The following HUWE1 variants were observed in gnomAD, a reference collection of about 807,000 sequenced individuals.
HUWE1 encodes the protein E3 ubiquitin-protein ligase HUWE1.
Under a neutral mutation model 299.4 loss-of-function variants are expected in HUWE1, and 18 were observed. The ratio of observed to expected loss-of-function variants is 0.06; its 90% CI spans 0.04 to 0.09. The LOEUF (loss-of-function observed/expected upper bound fraction) is 0.09, where lower values mean the gene tolerates loss of function less well. Ranked by LOEUF, HUWE1 falls within the 10% of genes least tolerant of loss-of-function variation. The probability of loss-of-function intolerance (pLI) is 1.00; values close to 1 mark genes in which losing one functional copy is unlikely to be tolerated. For synonymous variants in HUWE1, 1,317 were observed against 1,286.1 expected, an observed-to-expected ratio of 1.02 and a Z score of -0.51; for missense variants, 1,832 against 3,462.3, an observed-to-expected ratio of 0.53 and a Z score of 11.82.
chrX:53,566,127 G>GTA (rs1207044402), intron 49 of HUWE1, among the ~76,000 whole-genome samples: 3 of 39,201 alleles, frequency 7.7e-5, no homozygotes, highest in African/African-American at 2.9e-4. Context: ...ATGTGTGTGT[G>GTA]TGTGTGTATA....
intron 7 of HUWE1, among the ~76,000 whole-genome samples, chrX:53,639,957 A>G (rs1557029446): frequency 8.9e-6 from 1 of 112,851 alleles, no homozygotes; most frequent in Non-Finnish European, 1.9e-5. Context: ...AGTAGGTTTC[A>G]CATCCAAATC....
In HUWE1 at chrX:53,625,826, ACCAGGACCGGGGCCGGGG is replaced by A. The variant is rs1221217716; in HGVS notation, c.1490-586_1490-569del. On this transcript the variant is annotated intron_variant, in intron 17 of 83. Coordinates refer to ENST00000262854, the MANE Select transcript of HUWE1 (RefSeq NM_031407.7). ...GGCCAGGGCCGGGGCCAGGGCCGGGACCAGGACCGGGGCCGGGGCCGGGGCCAGGGCCGGGGCCGGGGC... is the reference window on the plus strand; with the variant it reads ...GGCCAGGGCCGGGGCCAGGGCCGGGACCGGGGCCAGGGCCGGGGCCGGGGC... 2.0e-4 allele frequency: 26 copies of A among 127,994 alleles called. No homozygotes were observed. In the Admixed American group the frequency reaches 2.3e-3, roughly 11 times the overall value. The allele number at this position is 127,994 out of a possible 1,213,427, so 10.5% of individuals were successfully genotyped here.
chrX:53,579,459 C>T (rs1468757528), intron 43 of HUWE1, among the ~76,000 whole-genome samples: 6 of 112,319 alleles, frequency 5.3e-5, no homozygotes, highest in Non-Finnish European at 1.1e-4. Context: ...CCCAGTGGCT[C>T]ATTGGGGATG....
chrX:53,535,008 C>A (rs1556910862), intron 81 of HUWE1, among the ~76,000 whole-genome samples: 1 of 109,263 alleles, frequency 9.2e-6, no homozygotes, highest in Non-Finnish European at 1.9e-5. Context: ...GCGATCTCAG[C>A]TCACTGCAAA....
intron 3 of HUWE1, among the ~76,000 whole-genome samples, chrX:53,667,166 A>C (rs1185858275): frequency 1.8e-5 from 2 of 112,612 alleles, no homozygotes; most frequent in African/African-American, 6.5e-5. Flanking sequence ...TCATGCCCAA[A>C]GGCTGAAAAC....
At position 53,542,426 on chromosome X, in the gene HUWE1, C is replaced by T. The variant is rs2061384252; in HGVS notation, c.11476+17G>A. 1.8e-6 allele frequency: 2 copies of T among 1,083,562 alleles called. No homozygotes were observed. Among genetic ancestry groups the T allele is most frequent in the East Asian group, 6.0e-5 (2 of 33,325 alleles). 89.3% of individuals were successfully genotyped at this position (1,083,562 alleles called of 1,213,427 possible). A position where few individuals can be genotyped will look rare whatever the true frequency, so the allele number is the denominator to read the frequency against. ...GCTATCCCTTTTGCTCGGCTGGAAA[C>T]AGGAAGTAGTACTGACCAATGGATT... On this transcript the variant is annotated intron_variant, in intron 74 of 83. Transcript: ENST00000262854.
chrX:53,668,921 T>C (rs1396346135), intron 3 of HUWE1, among the ~76,000 whole-genome samples: 2 of 111,923 alleles, frequency 1.8e-5, no homozygotes, highest in East Asian at 5.6e-4. Flanking sequence ...TTGATGACAA[T>C]GAGATTGGGA....
At chrX:53,668,023 C>G (rs893479174) in intron 3 of HUWE1, among the ~76,000 whole-genome samples, 4 of 111,280 alleles carry the variant, frequency 3.6e-5, no homozygotes, top group African/African-American at 6.6e-5. Context: ...ACATGATAGA[C>G]TACTGTCAAA....
intron 23 of HUWE1, among the ~76,000 whole-genome samples, chrX:53,612,934 C>A (rs1457676087): frequency 9.0e-6 from 1 of 111,088 alleles, no homozygotes; most frequent in Non-Finnish European, 1.9e-5. Context: ...TGGAAAATAT[C>A]CAGGTAGGGA....
At chrX:53,623,349 C>G (rs1304211691) in intron 19 of HUWE1, among the ~76,000 whole-genome samples, 1 of 110,938 alleles carries the variant, frequency 9.0e-6, no homozygotes, top group Non-Finnish European at 1.9e-5. Context: ...ACGTCCCCAC[C>G]GTAAAACAAA....
In HUWE1 at chrX:53,617,082, G is replaced by A. The variant is rs1557008117; in HGVS notation, c.1845C>T (p.Ala615=). The A allele has an allele frequency of 6.6e-6, 8 of 1,209,710 alleles. No homozygotes were observed. The highest frequency in any genetic ancestry group is 9.0e-6 in the Non-Finnish European group (8 of 893,747). The change falls in exon 21 of 84, where the codon GCC becomes GCT. Residue 615 remains alanine (A), a synonymous_variant. Coordinates refer to ENST00000262854, the MANE Select transcript of HUWE1 (RefSeq NM_031407.7). ...ACTGAACAAAAGACTGAAGACCTCG[G>A]GCATTCAAACAGAGTGCACTGAATA... The part of the protein sequence containing the change: ...PNVFSALCLN[A]RGLQSFVQCQ...
intron 8 of HUWE1, among the ~76,000 whole-genome samples, chrX:53,633,042 A>G: frequency 8.9e-6 from 1 of 112,874 alleles, no homozygotes; most frequent in East Asian, 2.8e-4. Flanking sequence ...CCTCATAGGC[A>G]TATCTTCATA....
chrX:53,658,962 G>T (rs906030561), intron 3 of HUWE1, among the ~76,000 whole-genome samples: 1 of 112,593 alleles, frequency 8.9e-6, no homozygotes, highest in African/African-American at 3.2e-5. Context: ...CATATGAAAA[G>T]ATACTCCACA....
chrX:53,538,444 G>A lies in HUWE1; in HGVS notation c.11889C>T (p.Arg3963=). 8.4e-7 allele frequency: 1 copy of A among 1,192,267 alleles called. No homozygotes were observed. The highest frequency in any genetic ancestry group is 1.1e-6 in the Non-Finnish European group (1 of 878,143). The change falls in exon 77 of 84, where the codon CGC becomes CGT. Residue 3963 remains arginine, a synonymous_variant. Coordinates refer to ENST00000262854, the MANE Select transcript of HUWE1 (RefSeq NM_031407.7). Reference sequence around the variant, plus strand: ...GCCGTAGGATCTGGTTTAACACAGTGCGGTGAGTCTCTGAGGGGAGAAGTG... The same window carrying A: ...GCCGTAGGATCTGGTTTAACACAGTACGGTGAGTCTCTGAGGGGAGAAGTG... The part of the protein sequence containing the change: ...QKFLRFAETH[R]TVLNQILRQS...
In HUWE1 at chrX:53,554,939, T is replaced by C; in HGVS notation, c.8207-19A>G. 8.8e-7 allele frequency: 1 copy of C among 1,137,254 alleles called. No homozygotes were observed. The highest frequency in any genetic ancestry group is 3.0e-5 in the East Asian group (1 of 32,975). The allele number at this position is 1,137,254 out of a possible 1,213,427, so 93.7% of individuals were successfully genotyped here. ...GTCCCATCTTTCTCGGAAAGAACAA[T>C]AATAGTGGTTAAGGGGCAACCAGCC... On this transcript the variant is annotated intron_variant, in intron 60 of 83. Transcript: ENST00000262854.
At chrX:53,561,709 G>T in intron 55 of HUWE1, 47 bp downstream of exon 55, 4 of 1,208,882 alleles carry the variant, frequency 3.3e-6, no homozygotes, top group African/African-American at 1.7e-5. Flanking sequence ...CTAGAGAAGG[G>T]TATAAGAATC....
Position 53,610,508 on chromosome X carries a change from C to T in HUWE1, c.2262-1599G>A, listed in dbSNP as rs782357658. On this transcript the variant is annotated intron_variant, in intron 23 of 83. Coordinates refer to ENST00000262854, the MANE Select transcript of HUWE1 (RefSeq NM_031407.7). ...AGAAAAGTCCTTCTAAACTTCCTGT[C>T]TCTCTCCCTTTCCCCAAACATACAC... is the stretch of plus-strand genomic sequence containing the variant. 1.8e-4 allele frequency among the ~76,000 whole-genome samples: 20 copies of T among 112,299 alleles called. No individual in the cohort carries two copies. The Admixed American group carries it at 1.8e-3, about 10-fold the overall frequency.
intron 63 of HUWE1, among the ~76,000 whole-genome samples, chrX:53,551,886 GTA>G (rs2061782902): frequency 9.0e-6 from 1 of 111,400 alleles, no homozygotes. Flanking sequence ...GGAAACCAGT[GTA>G]TATGTCTTCA....
At chrX:53,612,050 A>C (rs1252658085) in intron 23 of HUWE1, among the ~76,000 whole-genome samples, 1 of 111,369 alleles carries the variant, frequency 9.0e-6, no homozygotes, top group African/African-American at 3.3e-5. Context: ...AAGCCCTTTC[A>C]CCATATTGTG....
Sources: allele counts gnomAD v4.1 joint callset (sites outside exome capture counted in the v4.1 genomes callset), GRCh38; gene constraint gnomAD v4.1.1; transcripts MANE v1.5; gene names NCBI Gene and HGNC (gene_info 2026-07-23, HGNC 2026-07-21).